The following FOXK2 variants were observed in gnomAD, a reference collection of about 807,000 sequenced individuals.
FOXK2 encodes forkhead box protein K2.
In FOXK2, 24 loss-of-function variants were observed where a neutral mutation model predicts 53.3. The observed-to-expected ratio is 0.45, with a 90% confidence interval of 0.33 to 0.63. FOXK2 has a LOEUF of 0.63. Among genes scored for constraint, FOXK2 ranks in the 30% least tolerant of loss-of-function variants. The pLI is 0.03. For missense variants in FOXK2, 952 were observed against 910.5 expected (o/e 1.05, Z -0.59); for synonymous variants, 505 against 407.1 (o/e 1.24, Z -2.89).
chr17:82,584,480 G>A (rs1452899412), intron 6 of FOXK2, among the ~76,000 whole-genome samples: 11 of 99,688 alleles, frequency 1.1e-4, no homozygotes, highest in Admixed American at 9.2e-4. Context: ...CCCACCCCCC[G>A]CAAAAAAATC....
At chr17:82,527,856 A>C (rs1039955112) in intron 1 of FOXK2, among the ~76,000 whole-genome samples, 4 of 152,186 alleles carry the variant, frequency 2.6e-5, no homozygotes, top group African/African-American at 9.7e-5. Context: ...GCTGGAGTAC[A>C]GTGGCACCAT....
Position 82,596,050 on chromosome 17 carries a change from A to T in FOXK2, c.1787-5253A>T, listed in dbSNP as rs548647073. ...CGTCTGTGCATCTCTGGCCTACCGC[A>T]GTGGCCCCGGCTGTCTGCACATTTT... is the stretch of plus-strand genomic sequence containing the variant. On this transcript the variant is annotated intron_variant, in intron 8 of 8. Coordinates refer to ENST00000335255, the MANE Select transcript of FOXK2 (RefSeq NM_004514.4). The T allele has an allele frequency of 4.2e-4, 467 of 1,120,710 alleles. 5 individuals are homozygous for T. The South Asian group carries it at 8.6e-3, about 21-fold the overall frequency. 69.4% of individuals were successfully genotyped at this position (1,120,710 alleles called of 1,614,324 possible).
At chr17:82,547,314 C>T (rs1186315955) in intron 1 of FOXK2, among the ~76,000 whole-genome samples, 1 of 152,114 alleles carries the variant, frequency 6.6e-6, no homozygotes, top group Non-Finnish European at 1.5e-5. Context: ...TTTAGGCTTT[C>T]CTGGGCCACA....
At chr17:82,588,762 G>A (rs919113416) in intron 8 of FOXK2, among the ~76,000 whole-genome samples, 20 of 151,818 alleles carry the variant, frequency 1.3e-4, no homozygotes, top group African/African-American at 4.1e-4. Context: ...TTGAAAAACC[G>A]TATCCCTGCC....
intron 1 of FOXK2, among the ~76,000 whole-genome samples, chr17:82,558,309 A>G (rs903069799): frequency 4.6e-5 from 7 of 152,190 alleles, no homozygotes; most frequent in Admixed American, 3.9e-4. Context: ...CTGCACTCCA[A>G]CCTGGGCTAC....
chr17:82,572,038 T>C (rs2044924458), intron 4 of FOXK2, 168 bp downstream of exon 4: 4 of 560,422 alleles, frequency 7.1e-6, no homozygotes, highest in Non-Finnish European at 1.2e-5. Flanking sequence ...ATGCTCTGCC[T>C]CACCTTCTTT....
intron 1 of FOXK2, among the ~76,000 whole-genome samples, chr17:82,530,445 T>TAA (rs919452670): frequency 0.025 from 1,997 of 78,766 alleles, 33 homozygotes; most frequent in Middle Eastern, 0.036. Flanking sequence ...AAACTCCATC[T>TAA]AAAAAAAAAA....
chr17:82,584,928 C>G (rs1252231413), intron 6 of FOXK2, among the ~76,000 whole-genome samples: 1 of 152,202 alleles, frequency 6.6e-6, no homozygotes, highest in Admixed American at 6.5e-5. Context: ...AATGTGTGCC[C>G]TGGGGAATTA....
At chr17:82,597,398 T>C (rs900946141) in intron 8 of FOXK2, among the ~76,000 whole-genome samples, 1 of 152,190 alleles carries the variant, frequency 6.6e-6, no homozygotes, top group African/African-American at 2.4e-5. Context: ...ACCCCGGGGC[T>C]GCAGGGCTGA....
At chr17:82,554,400 C>T (rs1430348903) in intron 1 of FOXK2, among the ~76,000 whole-genome samples, 1 of 152,154 alleles carries the variant, frequency 6.6e-6, no homozygotes, top group Non-Finnish European at 1.5e-5. Flanking sequence ...AGACCATTGG[C>T]CTGCACGTTG....
chr17:82,584,148 C>A lies in FOXK2; in HGVS notation c.1239C>A (p.Leu413=). 6.2e-7 allele frequency: 1 copy of A among 1,609,276 alleles called. No homozygotes were observed. ...EPEPGAAQPK[L]AVIQEARFAQ... is the part of the protein sequence containing the mutation. ...AGCCTGGCGCTGCACAGCCCAAACT[C>A]GCTGTCATCCAGGAAGCCCGGTTTG... The change falls in exon 6 of 9, where the codon CTC becomes CTA. Residue 413 remains leucine, a synonymous_variant. Transcript: ENST00000335255.
intron 1 of FOXK2, among the ~76,000 whole-genome samples, chr17:82,530,606 G>A (rs1054662292): frequency 6.6e-6 from 1 of 151,226 alleles, no homozygotes; most frequent in Admixed American, 6.6e-5. Context: ...CTCCTCCCGG[G>A]TTCAAACAAT....
chr17:82,550,174 C>G (rs2044662311), intron 1 of FOXK2, among the ~76,000 whole-genome samples: 1 of 152,146 alleles, frequency 6.6e-6, no homozygotes, highest in Non-Finnish European at 1.5e-5. Flanking sequence ...CTGGGCGACA[C>G]TGCAAGACCT....
chr17:82,586,009 C>T lies in FOXK2; in HGVS notation c.1385C>T (p.Thr462Ile), dbSNP rs770167671. ...GTGGCCACCCCAGTGACCACCTCGACCTCCCAGCCACCCGTCGTGCAGACG... is the reference window on the plus strand; with the variant it reads ...GTGGCCACCCCAGTGACCACCTCGATCTCCCAGCCACCCGTCGTGCAGACG... The part of the protein sequence containing the change: ...YTVATPVTTS[T>I]SQPPVVQTVH... The change falls in exon 7 of 9, where the codon ACC (threonine) becomes ATC (isoleucine). Residue 462 changes from threonine to isoleucine, a missense_variant. By Grantham distance (89) the Thr-to-Ile change is moderately conservative. This residue lies in a region of FOXK2 where 551 missense variants were observed against 385.1 expected (regional missense o/e 1.43). Coordinates refer to ENST00000335255, the MANE Select transcript of FOXK2 (RefSeq NM_004514.4). 1.2e-6 allele frequency: 2 copies of T among 1,612,716 alleles called. No individual in the cohort carries two copies. The highest frequency in any genetic ancestry group is 2.2e-5 in the South Asian group (2 of 91,092).
chr17:82,535,748 G>T (rs1305902722), intron 1 of FOXK2, among the ~76,000 whole-genome samples: 152 of 140,108 alleles, frequency 1.1e-3, no homozygotes, highest in East Asian at 3.3e-3. Context: ...GTGTGTTTTT[G>T]TTTTTGTTTT....
chr17:82,577,332 C>G, intron 4 of FOXK2: 1 of 798,612 alleles, frequency 1.3e-6, no homozygotes, highest in Non-Finnish European at 2.1e-6. Flanking sequence ...ACCACAACAG[C>G]AAATTCATCA....
At chr17:82,562,214 C>T (rs1450867143) in intron 1 of FOXK2, among the ~76,000 whole-genome samples, 1 of 152,194 alleles carries the variant, frequency 6.6e-6, no homozygotes, top group Non-Finnish European at 1.5e-5. Flanking sequence ...CAAACCTTCT[C>T]CCCTGTAGCT....
chr17:82,579,266 C>G (rs371522353), intron 4 of FOXK2, among the ~76,000 whole-genome samples: 2 of 152,186 alleles, frequency 1.3e-5, no homozygotes, highest in African/African-American at 4.8e-5. Context: ...GCTTTGCCTT[C>G]TCTGTCTTTG....
chr17:82,536,113 G>A (rs2044518228), intron 1 of FOXK2, among the ~76,000 whole-genome samples: 1 of 152,018 alleles, frequency 6.6e-6, no homozygotes, highest in African/African-American at 2.4e-5. Flanking sequence ...CCTCACCTCA[G>A]GTGATCTGCC....
Sources: allele counts gnomAD v4.1 joint callset (sites outside exome capture counted in the v4.1 genomes callset), GRCh38; gene constraint gnomAD v4.1.1; regional missense constraint gnomAD v4.1.1; transcripts MANE v1.5; gene names NCBI Gene and HGNC (gene_info 2026-07-23, HGNC 2026-07-21).